Variants in MGMT observed in about 807,000 individuals in gnomAD.
The protein encoded by MGMT is methylated-DNA--protein-cysteine methyltransferase.
MGMT carries 14 observed loss-of-function variants against 15.9 expected under a neutral mutation model. The observed-to-expected ratio is 0.88, with a 90% CI of 0.58 to 1.37. MGMT has a LOEUF of 1.37. MGMT is among the 40% of genes most tolerant of loss of function. MGMT has a pLI of 0.00. For synonymous variants in MGMT, 130 were observed against 118.2 expected, an observed-to-expected ratio of 1.10 and a Z score of -0.65; for missense variants, 282 against 268.1, an observed-to-expected ratio of 1.05 and a Z score of -0.36.
intron 3 of MGMT, among the ~76,000 whole-genome samples, chr10:129,740,092 G>A (rs1848613669): frequency 6.6e-6 from 1 of 152,252 alleles, no homozygotes; most frequent in Non-Finnish European, 1.5e-5. Context: ...TTTCTCGTTA[G>A]CAGAGCCAAG....
chr10:129,638,260 A>G (rs1014539320), intron 2 of MGMT, among the ~76,000 whole-genome samples: 8 of 152,158 alleles, frequency 5.3e-5, no homozygotes, highest in African/African-American at 1.9e-4. Context: ...CTTATCTTGT[A>G]TGAGTCCCAT....
intron 2 of MGMT, among the ~76,000 whole-genome samples, chr10:129,656,243 A>G (rs1847523666): frequency 6.6e-6 from 1 of 152,188 alleles, no homozygotes; most frequent in Admixed American, 6.5e-5. Context: ...GGAGGTGACA[A>G]ACATCCATGG....
chr10:129,650,410 G>C (rs1847443346), intron 2 of MGMT, among the ~76,000 whole-genome samples: 1 of 152,182 alleles, frequency 6.6e-6, no homozygotes, highest in South Asian at 2.1e-4. Context: ...TGCTGGCCAG[G>C]GTGCTATTCT....
intron 1 of MGMT, among the ~76,000 whole-genome samples, chr10:129,527,618 C>T (rs563462002): frequency 6.6e-6 from 1 of 152,212 alleles, no homozygotes; most frequent in South Asian, 2.1e-4. Flanking sequence ...CGCTTATAGC[C>T]AGAGCAGACT....
intron 3 of MGMT, among the ~76,000 whole-genome samples, chr10:129,758,527 C>G (rs1363486888): frequency 1.3e-5 from 2 of 152,114 alleles, no homozygotes; most frequent in Non-Finnish European, 2.9e-5. Flanking sequence ...AGAATGTTCT[C>G]CTGCAGTCAC....
At chr10:129,709,476 A>G (rs544489472) in intron 3 of MGMT, among the ~76,000 whole-genome samples, 14 of 152,296 alleles carry the variant, frequency 9.2e-5, no homozygotes, top group African/African-American at 2.6e-4. Flanking sequence ...ACTCTTCTCT[A>G]TACGATCTCT....
At chr10:129,551,143 TAG>T (rs1846152428) in intron 2 of MGMT, among the ~76,000 whole-genome samples, 1 of 152,086 alleles carries the variant, frequency 6.6e-6, no homozygotes, top group South Asian at 2.1e-4. Flanking sequence ...TTCAAAGAAA[TAG>T]AACATTCTAC....
At chr10:129,719,598 G>A (rs1192347407) in intron 3 of MGMT, among the ~76,000 whole-genome samples, 1 of 152,074 alleles carries the variant, frequency 6.6e-6, no homozygotes, top group Non-Finnish European at 1.5e-5. Flanking sequence ...CTTTCCTCTG[G>A]GCGTGCATCG....
At position 129,557,387 on chromosome 10, in the gene MGMT, G is replaced by C. The variant is rs74160225; in HGVS notation, c.125+21010G>C. 7.2e-3 allele frequency among the ~76,000 whole-genome samples: 1,090 copies of C among 152,178 alleles called. 20 individuals are homozygous for C. The highest frequency in any genetic ancestry group is 0.025 in the African/African-American group (1,054 of 41,498). The stretch of plus-strand genomic sequence containing the variant: ...CTTGTCTGCTTCTGCCCGAGACTCT[G>C]GGTCCCTGTCAACTCGGGTAGAATT... On this transcript the variant is annotated intron_variant, in intron 2 of 4. Coordinates refer to ENST00000651593, the MANE Select transcript of MGMT (RefSeq NM_002412.5).
intron 2 of MGMT, among the ~76,000 whole-genome samples, chr10:129,618,636 T>A (rs2133073844): frequency 6.6e-6 from 1 of 152,224 alleles, no homozygotes; most frequent in Non-Finnish European, 1.5e-5. Context: ...TATAGCTCCA[T>A]ATTTGTTTTC....
intron 2 of MGMT, among the ~76,000 whole-genome samples, chr10:129,550,223 AG>A (rs1171937694): frequency 3.3e-5 from 5 of 152,130 alleles, no homozygotes; most frequent in Admixed American, 3.3e-4. Flanking sequence ...AATGTTCCGC[AG>A]CCATCACCGC....
rs1199829648 is a variant in MGMT at position 129,768,482 on chromosome 10, G to A, written c.*1485G>A. On this transcript the variant is annotated 3_prime_UTR_variant, in exon 5 of 5. Transcript: ENST00000651593. ...GCACGCCGCGTCACCGTCAGGACTC[G>A]CAGGCTGTCTGGTCATTTTTGACGT... Among the ~76,000 whole-genome samples the A allele has an allele frequency of 1.3e-5, 2 of 152,240 alleles. No individual in the cohort carries two copies. Among genetic ancestry groups the A allele is most frequent in the Admixed American group, 6.5e-5 (1 of 15,294 alleles).
At chr10:129,609,152 T>G (rs1173727952) in intron 2 of MGMT, among the ~76,000 whole-genome samples, 1 of 152,178 alleles carries the variant, frequency 6.6e-6, no homozygotes, top group Non-Finnish European at 1.5e-5. Context: ...GACATGATCC[T>G]GAGAGTCCAG....
chr10:129,692,954 G>A (rs1205978053), intron 2 of MGMT, among the ~76,000 whole-genome samples: 1 of 152,230 alleles, frequency 6.6e-6, no homozygotes, highest in Non-Finnish European at 1.5e-5. Flanking sequence ...TCTGTAGAGT[G>A]GACGCCACTC....
At chr10:129,488,011 A>AGG (rs1164428558) in intron 1 of MGMT, among the ~76,000 whole-genome samples, 2 of 122,390 alleles carry the variant, frequency 1.6e-5, no homozygotes, top group South Asian at 5.5e-4. Context: ...GTATACACAC[A>AGG]CACACACACA....
At chr10:129,575,240 A>T (rs1846466362) in intron 2 of MGMT, among the ~76,000 whole-genome samples, 1 of 152,174 alleles carries the variant, frequency 6.6e-6, no homozygotes, top group Admixed American at 6.5e-5. Context: ...CTTTTTTTTC[A>T]GCACCACACC....
In MGMT at chr10:129,705,772, C is replaced by T. The variant is rs115997687; in HGVS notation, c.126-2123C>T. Reference sequence around the variant, plus strand: ...GGGCTGTGGTCCTCCTGGACACCAGCGGTAGCAACAGGCCCCATCCACACA... The same window carrying T: ...GGGCTGTGGTCCTCCTGGACACCAGTGGTAGCAACAGGCCCCATCCACACA... On this transcript the variant is annotated intron_variant, in intron 2 of 4. Coordinates refer to ENST00000651593, the MANE Select transcript of MGMT (RefSeq NM_002412.5). 9.9e-3 allele frequency among the ~76,000 whole-genome samples: 1,502 copies of T among 152,260 alleles called. 18 individuals carry two copies. Among genetic ancestry groups the T allele is most frequent in the African/African-American group, 0.034 (1,394 of 41,536 alleles).
chr10:129,613,154 T>C (rs1236049209), intron 2 of MGMT, among the ~76,000 whole-genome samples: 1 of 152,204 alleles, frequency 6.6e-6, no homozygotes, highest in African/African-American at 2.4e-5. Flanking sequence ...AGGGTCTGTT[T>C]TGGAAAATTC....
At chr10:129,516,960 G>A (rs1845744841) in intron 1 of MGMT, among the ~76,000 whole-genome samples, 2 of 152,208 alleles carry the variant, frequency 1.3e-5, no homozygotes, top group South Asian at 4.1e-4. Context: ...AGAATATTGG[G>A]GTTAGCAATG....
Sources: gnomAD v4.1 joint callset for allele counts (sites outside exome capture counted in the v4.1 genomes callset) on GRCh38, gnomAD v4.1.1 for gene constraint, MANE v1.5 for transcripts, NCBI Gene and HGNC (gene_info 2026-07-23, HGNC 2026-07-21) for gene names.